The following DNAAF9 variants were observed in gnomAD, a reference collection of about 807,000 sequenced individuals.
DNAAF9 encodes shulin.
In DNAAF9, 90 loss-of-function variants were observed where a neutral mutation model predicts 167.0. That is an observed-to-expected ratio of 0.54 (90% CI 0.45 to 0.64). The LOEUF is 0.64. Ranked by LOEUF, DNAAF9 falls within the 30% of genes least tolerant of loss-of-function variation. DNAAF9 has a pLI of 0.00. For missense variants in DNAAF9, 1,315 were observed against 1,442.2 expected (o/e 0.91, Z 1.43); for synonymous variants, 491 against 508.8 (o/e 0.96, Z 0.47).
At chr20:3,269,929 G>C (rs982042050) in intron 30 of DNAAF9, among the ~76,000 whole-genome samples, 143 of 151,024 alleles carry the variant, frequency 9.5e-4, no homozygotes, top group African/African-American at 3.4e-3. Flanking sequence ...CTGCACTCCA[G>C]CCTGGACGAC....
chr20:3,268,477 C>T (rs888971313), intron 30 of DNAAF9, among the ~76,000 whole-genome samples: 10 of 152,122 alleles, frequency 6.6e-5, no homozygotes, highest in African/African-American at 2.2e-4. Context: ...TATAGGCATG[C>T]GCCACCATGC....
At chr20:3,401,273 T>A (rs923209730) in intron 1 of DNAAF9, among the ~76,000 whole-genome samples, 1 of 152,110 alleles carries the variant, frequency 6.6e-6, no homozygotes, top group African/African-American at 2.4e-5. Flanking sequence ...TGGCGCGATC[T>A]CAGCTCACTG....
intron 21 of DNAAF9, among the ~76,000 whole-genome samples, chr20:3,301,196 T>G (rs1048665251): frequency 2.3e-5 from 3 of 127,710 alleles, no homozygotes; most frequent in African/African-American, 8.7e-5. Flanking sequence ...TTTTTTTTTT[T>G]CTTTTTTTGA....
chr20:3,346,177 T>C (rs1393527697), intron 8 of DNAAF9, among the ~76,000 whole-genome samples: 2 of 152,210 alleles, frequency 1.3e-5, no homozygotes, highest in Admixed American at 1.3e-4. Context: ...ATTGGTGAAG[T>C]TGTGCAGCAA....
chr20:3,279,707 A>G (rs549350222), intron 28 of DNAAF9, among the ~76,000 whole-genome samples: 2 of 152,338 alleles, frequency 1.3e-5, no homozygotes, highest in East Asian at 3.9e-4. Context: ...TCTGTGCCTC[A>G]GGTATCTAAC....
At chr20:3,287,156 C>T (rs2068866147) in intron 27 of DNAAF9, among the ~76,000 whole-genome samples, 1 of 152,170 alleles carries the variant, frequency 6.6e-6, no homozygotes, top group East Asian at 1.9e-4. Context: ...GAAAGGGGAG[C>T]TTCTTACCCA....
intron 20 of DNAAF9, among the ~76,000 whole-genome samples, chr20:3,305,528 C>T (rs1191392678): frequency 1.3e-5 from 2 of 152,192 alleles, no homozygotes; most frequent in Non-Finnish European, 2.9e-5. Context: ...GTTGTAGCTC[C>T]AGAAAAGCAG....
chr20:3,269,720 C>T (rs1401639321), intron 30 of DNAAF9, among the ~76,000 whole-genome samples: 6 of 151,924 alleles, frequency 3.9e-5, no homozygotes, highest in Admixed American at 2.6e-4. Context: ...TTTGGGAGGC[C>T]GAGGCAGGCG....
chr20:3,342,689 A>G (rs1174107950), intron 9 of DNAAF9, among the ~76,000 whole-genome samples: 1 of 152,178 alleles, frequency 6.6e-6, no homozygotes, highest in Non-Finnish European at 1.5e-5. Flanking sequence ...AAGCTAGGTG[A>G]CACTTTGGGC....
At position 3,298,203 on chromosome 20, in the gene DNAAF9, A is replaced by G; in HGVS notation, c.1783-28T>C. On this transcript the variant is annotated intron_variant, in intron 21 of 36. Transcript: ENST00000252032. The stretch of plus-strand genomic sequence containing the variant: ...AAAGCGAAAAGGAGGGAGCATCAGC[A>G]AGAAGAGCATCTGCACAATTACAGC... 3 of 1,600,570 alleles carry G rather than the reference A, an allele frequency of 1.9e-6. No homozygotes were observed. The South Asian group carries it at 3.4e-5, about 18-fold the overall frequency.
Position 3,376,164 on chromosome 20 carries a change from T to A in DNAAF9, c.408+14A>T. 6 of 1,610,534 alleles carry A rather than the reference T, an allele frequency of 3.7e-6. No individual in the cohort carries two copies. Among genetic ancestry groups the A allele is most frequent in the Non-Finnish European group, 4.2e-6 (5 of 1,178,798 alleles). ...AGAGTGTCTCTAGGTGCCTGTCTTC[T>A]CTTTTCTTCTTACCTCATTTTCGGT... On this transcript the variant is annotated intron_variant, in intron 4 of 36. Transcript: ENST00000252032.
intron 14 of DNAAF9, among the ~76,000 whole-genome samples, chr20:3,324,275 ATTC>A (rs2069670978): frequency 6.6e-6 from 1 of 152,230 alleles, no homozygotes; most frequent in African/African-American, 2.4e-5. Flanking sequence ...TCCTAGAAGT[ATTC>A]TTAAATAAAT....
At chr20:3,340,772 C>A in intron 9 of DNAAF9, 133 bp from the exon 10 acceptor site, 2 of 736,362 alleles carry the variant, frequency 2.7e-6, no homozygotes. Context: ...TCAGTACAGT[C>A]GACCGAATAT....
chr20:3,359,670 GA>G, intron 6 of DNAAF9, 77 bp from the exon 7 acceptor site: 1 of 1,041,524 alleles, frequency 9.6e-7, no homozygotes, highest in Non-Finnish European at 1.5e-6. Flanking sequence ...CTGATGTTCA[GA>G]AATGACTCTT....
At chr20:3,361,419 C>T (rs762275721) in intron 6 of DNAAF9, among the ~76,000 whole-genome samples, 7 of 152,116 alleles carry the variant, frequency 4.6e-5, no homozygotes, top group South Asian at 2.1e-4. Context: ...CCACAGGCTG[C>T]GACCTGAAGC....
intron 29 of DNAAF9, among the ~76,000 whole-genome samples, chr20:3,272,124 G>A (rs528977676): frequency 3.9e-5 from 6 of 152,060 alleles, no homozygotes; most frequent in African/African-American, 1.2e-4. Flanking sequence ...ATACTTCAAC[G>A]TGAATTTCCA....
intron 21 of DNAAF9, 69 bp downstream of exon 21, chr20:3,304,371 T>C: frequency 2.5e-6 from 2 of 784,414 alleles, no homozygotes; most frequent in Non-Finnish European, 4.7e-6. Context: ...AAAGGAGTTA[T>C]TTAGTTTTCC....
chr20:3,253,934 G>A (rs1307720943), intron 35 of DNAAF9, 115 bp from the exon 36 acceptor site: 2 of 656,922 alleles, frequency 3.0e-6, no homozygotes, highest in East Asian at 2.8e-5. Flanking sequence ...CTATACAGAG[G>A]AGCTAGGAAG....
At chr20:3,312,666 C>A (rs2069435325) in intron 20 of DNAAF9, among the ~76,000 whole-genome samples, 2 of 152,150 alleles carry the variant, frequency 1.3e-5, no homozygotes, top group Admixed American at 1.3e-4. Flanking sequence ...CTGCCCAAGT[C>A]CCCTTCTAAG....
Sources: gnomAD v4.1 joint callset for allele counts (sites outside exome capture counted in the v4.1 genomes callset) on GRCh38, gnomAD v4.1.1 for gene constraint, MANE v1.5 for transcripts, NCBI Gene and HGNC (gene_info 2026-07-23, HGNC 2026-07-21) for gene names.